DLGAP1: variants seen among roughly 807,000 people sequenced by gnomAD.
The protein encoded by DLGAP1 is disks large-associated protein 1.
DLGAP1 carries 11 observed loss-of-function variants against 90.8 expected under a neutral mutation model. The ratio of observed to expected loss-of-function variants is 0.12; its 90% CI spans 0.08 to 0.20. The LOEUF (loss-of-function observed/expected upper bound fraction) is 0.20. Ranked by LOEUF, DLGAP1 falls within the 10% of genes least tolerant of loss-of-function variation. The probability of loss-of-function intolerance (pLI) is 1.00; values close to 1 mark genes in which losing one functional copy is unlikely to be tolerated. For missense variants in DLGAP1, 1,050 were observed against 1,333.8 expected (o/e 0.79, Z 3.31); for synonymous variants, 558 against 540.7 (o/e 1.03, Z -0.44).
intron 3 of DLGAP1, among the ~76,000 whole-genome samples, chr18:3,944,114 C>T (rs968287325): frequency 4.6e-5 from 7 of 152,042 alleles, no homozygotes; most frequent in East Asian, 1.9e-4. Context: ...ACCCATAGGA[C>T]GTGTGTGTGT....
chr18:4,090,818 A>C (rs2075762865), intron 2 of DLGAP1, among the ~76,000 whole-genome samples: 1 of 152,262 alleles, frequency 6.6e-6, no homozygotes, highest in Non-Finnish European at 1.5e-5. Context: ...CGCTATTCAC[A>C]ATAGCAAAGA....
At chr18:4,184,207 G>A (rs1020466037) in intron 1 of DLGAP1, among the ~76,000 whole-genome samples, 1 of 152,104 alleles carries the variant, frequency 6.6e-6, no homozygotes, top group African/African-American at 2.4e-5. Context: ...TGTATTGATC[G>A]TGACCTAAAT....
At chr18:3,578,968 T>C (rs1249632280) in intron 8 of DLGAP1, among the ~76,000 whole-genome samples, 2 of 152,168 alleles carry the variant, frequency 1.3e-5, no homozygotes, top group African/African-American at 2.4e-5. Flanking sequence ...AGACATGAGA[T>C]AATGTCTCAA....
At chr18:4,330,444 T>C (rs917647261) in intron 1 of DLGAP1, among the ~76,000 whole-genome samples, 1 of 151,874 alleles carries the variant, frequency 6.6e-6, no homozygotes, top group African/African-American at 2.4e-5. Flanking sequence ...ATAGTCTCTT[T>C]AGACAGAAAC....
chr18:4,078,114 C>T (rs2143567189), intron 2 of DLGAP1, among the ~76,000 whole-genome samples: 1 of 152,252 alleles, frequency 6.6e-6, no homozygotes, highest in Admixed American at 6.5e-5. Context: ...GACCTCTTCT[C>T]AGGGAAATAA....
chr18:3,586,967 C>T (rs1044274507), intron 7 of DLGAP1, among the ~76,000 whole-genome samples: 6 of 152,088 alleles, frequency 3.9e-5, no homozygotes, highest in African/African-American at 1.4e-4. Context: ...TTTGTCTTGC[C>T]TGGTCAAAAC....
chr18:4,384,472 AT>A (rs2082191633), intron 1 of DLGAP1, among the ~76,000 whole-genome samples: 2 of 152,126 alleles, frequency 1.3e-5, no homozygotes, highest in Admixed American at 1.3e-4. Context: ...GTTCATTTTC[AT>A]ACACCATATC....
chr18:4,001,137 C>T (rs1295193645), intron 3 of DLGAP1, among the ~76,000 whole-genome samples: 1 of 151,326 alleles, frequency 6.6e-6, no homozygotes, highest in Admixed American at 6.6e-5. Context: ...TTCTATTTTT[C>T]TTAAGGAACT....
intron 1 of DLGAP1, among the ~76,000 whole-genome samples, chr18:4,324,929 G>A (rs1382685212): frequency 6.6e-6 from 1 of 152,096 alleles, no homozygotes; most frequent in Non-Finnish European, 1.5e-5. Flanking sequence ...GGCAAAAGCT[G>A]GAAGCTTTCT....
intron 1 of DLGAP1, among the ~76,000 whole-genome samples, chr18:4,350,100 T>C (rs1455582969): frequency 6.6e-6 from 1 of 152,168 alleles, no homozygotes; most frequent in East Asian, 1.9e-4. Flanking sequence ...AGCAGAATTG[T>C]TTTCTTCTTC....
chr18:4,093,720 G>A (rs1163270342), intron 2 of DLGAP1, among the ~76,000 whole-genome samples: 2 of 152,092 alleles, frequency 1.3e-5, no homozygotes, highest in African/African-American at 4.8e-5. Flanking sequence ...CATGGTAGCT[G>A]TTCTCTTCCT....
At position 3,811,251 on chromosome 18, in the gene DLGAP1, T is replaced by C. The variant is rs2066825812; in HGVS notation, c.1172+2808A>G. The stretch of plus-strand genomic sequence containing the variant: ...TAAGTGGAACTATGAGAAATGATTC[T>C]AGGGGATGTGATGGTAGCACAGGGA... On this transcript the variant is annotated intron_variant, in intron 5 of 12. Coordinates refer to ENST00000315677, the MANE Select transcript of DLGAP1 (RefSeq NM_004746.4). 2.0e-5 allele frequency among the ~76,000 whole-genome samples: 3 copies of C among 152,316 alleles called. No homozygotes were observed. In the South Asian group the frequency reaches 6.2e-4, roughly 32 times the overall value.
intron 1 of DLGAP1, among the ~76,000 whole-genome samples, chr18:4,196,415 T>C (rs1457322666): frequency 6.6e-6 from 1 of 152,226 alleles, no homozygotes; most frequent in East Asian, 1.9e-4. Context: ...ATGTGGGTGT[T>C]ATTTGCAAAG....
chr18:4,316,171 C>A (rs1450011645), intron 1 of DLGAP1, among the ~76,000 whole-genome samples: 2 of 152,162 alleles, frequency 1.3e-5, no homozygotes, highest in Non-Finnish European at 2.9e-5. Flanking sequence ...TCATAAAATT[C>A]TTCCCTAAAC....
At chr18:4,352,901 A>C (rs2144000460) in intron 1 of DLGAP1, among the ~76,000 whole-genome samples, 1 of 152,284 alleles carries the variant, frequency 6.6e-6, no homozygotes, top group Non-Finnish European at 1.5e-5. Context: ...TGGAGCACTG[A>C]GCACGTTTAA....
intron 1 of DLGAP1, among the ~76,000 whole-genome samples, chr18:4,317,108 C>T (rs367945858): frequency 1.8e-4 from 28 of 152,256 alleles, no homozygotes; most frequent in South Asian, 1.0e-3. Context: ...AATATTTCCA[C>T]GCAAAATGTG....
At chr18:4,269,568 A>G (rs1160090071) in intron 1 of DLGAP1, among the ~76,000 whole-genome samples, 3 of 151,728 alleles carry the variant, frequency 2.0e-5, no homozygotes, top group Non-Finnish European at 2.9e-5. Context: ...GTTAGCCAGG[A>G]TGGTCTCGAT....
intron 2 of DLGAP1, among the ~76,000 whole-genome samples, chr18:4,069,595 C>T (rs1028002238): frequency 6.6e-6 from 1 of 152,170 alleles, no homozygotes; most frequent in Non-Finnish European, 1.5e-5. Flanking sequence ...CCCATGCTCT[C>T]GCTTGCTCTT....
In DLGAP1 at chr18:3,775,399, A is replaced by G. The variant is rs897425832; in HGVS notation, c.1173-32887T>C. 8.5e-5 allele frequency among the ~76,000 whole-genome samples: 13 copies of G among 152,140 alleles called. No homozygotes were observed. Among genetic ancestry groups the G allele is most frequent in the African/African-American group, 3.1e-4 (13 of 41,412 alleles). On this transcript the variant is annotated intron_variant, in intron 5 of 12. Coordinates refer to ENST00000315677, the MANE Select transcript of DLGAP1 (RefSeq NM_004746.4). The surrounding 1 kb of genome is among the most constrained non-coding windows in gnomAD (Gnocchi z 4.9). ...TTGCTGTTCTCTTGATAGAGTTCTC[A>G]AGAGATCTGGTTGTTTGAATGCGTA...
Sources: allele counts gnomAD v4.1 joint callset (sites outside exome capture counted in the v4.1 genomes callset), GRCh38; gene constraint gnomAD v4.1.1; non-coding constraint Gnocchi (gnomAD v3.1); transcripts MANE v1.5; gene names NCBI Gene and HGNC (gene_info 2026-07-23, HGNC 2026-07-21).